ZCCHC7: variants seen among roughly 807,000 people sequenced by gnomAD.
ZCCHC7 encodes zinc finger CCHC domain-containing protein 7.
A neutral mutation model predicts 52.0 loss-of-function variants in ZCCHC7; 35 were observed. That is an observed-to-expected ratio of 0.67 (90% CI 0.51 to 0.89). ZCCHC7 has a LOEUF of 0.89. Among genes scored for constraint, ZCCHC7 ranks in the 40% least tolerant of loss-of-function variants. The pLI is 0.00. For synonymous variants in ZCCHC7, 217 were observed against 221.5 expected, an observed-to-expected ratio of 0.98 and a Z score of 0.18; for missense variants, 574 against 649.1, an observed-to-expected ratio of 0.88 and a Z score of 1.26.
At chr9:37,260,669 A>G (rs529893008) in intron 2 of ZCCHC7, among the ~76,000 whole-genome samples, 1 of 152,302 alleles carries the variant, frequency 6.6e-6, no homozygotes, top group African/African-American at 2.4e-5. Context: ...TTTGACCTTA[A>G]TGGGACCTAT....
intron 6 of ZCCHC7, among the ~76,000 whole-genome samples, chr9:37,333,514 G>A (rs1830529105): frequency 1.3e-5 from 2 of 151,572 alleles, no homozygotes; most frequent in Non-Finnish European, 3.0e-5. Flanking sequence ...CCTTAAAGTT[G>A]TACTTCTGTT....
chr9:37,162,580 A>G (rs1396994282), intron 2 of ZCCHC7, among the ~76,000 whole-genome samples: 1 of 152,190 alleles, frequency 6.6e-6, no homozygotes, highest in Non-Finnish European at 1.5e-5. Context: ...ACTTTTTATT[A>G]TATATTGATT....
At chr9:37,169,519 A>G (rs1441883460) in intron 2 of ZCCHC7, among the ~76,000 whole-genome samples, 2 of 152,132 alleles carry the variant, frequency 1.3e-5, no homozygotes, top group South Asian at 2.1e-4. Context: ...GAATTTCACT[A>G]TGGATACTTT....
intron 5 of ZCCHC7, among the ~76,000 whole-genome samples, chr9:37,323,780 T>C (rs939120289): frequency 3.9e-5 from 6 of 152,220 alleles, no homozygotes; most frequent in Admixed American, 1.3e-4. Context: ...GGAGAAATTA[T>C]ATTTCACGTA....
intron 2 of ZCCHC7, among the ~76,000 whole-genome samples, chr9:37,268,960 G>A (rs912537902): frequency 2.6e-5 from 4 of 152,202 alleles, no homozygotes; most frequent in African/African-American, 7.2e-5. Flanking sequence ...ATATTCTAAC[G>A]TAGTATGGAG....
intron 5 of ZCCHC7, among the ~76,000 whole-genome samples, chr9:37,325,464 T>C (rs1564255689): frequency 6.6e-6 from 1 of 152,234 alleles, no homozygotes; most frequent in African/African-American, 2.4e-5. Context: ...GAAATTACTT[T>C]ATTTTATGCA....
chr9:37,219,173 A>G (rs1271838252), intron 2 of ZCCHC7, among the ~76,000 whole-genome samples: 1 of 152,230 alleles, frequency 6.6e-6, no homozygotes, highest in Non-Finnish European at 1.5e-5. Context: ...CACTTCCAGA[A>G]TGGGCCAGGA....
intron 2 of ZCCHC7, among the ~76,000 whole-genome samples, chr9:37,278,149 T>C (rs1324784843): frequency 6.6e-6 from 1 of 151,926 alleles, no homozygotes; most frequent in Non-Finnish European, 1.5e-5. Flanking sequence ...AGCCTCGAGC[T>C]CCTAGACTCT....
intron 2 of ZCCHC7, among the ~76,000 whole-genome samples, chr9:37,162,598 T>A (rs1821167586): frequency 6.6e-6 from 1 of 152,238 alleles, no homozygotes; most frequent in Non-Finnish European, 1.5e-5. Context: ...ATTGTGGTTA[T>A]CCCACAGTTT....
chr9:37,142,882 A>G (rs1033349049), intron 2 of ZCCHC7, among the ~76,000 whole-genome samples: 1 of 151,868 alleles, frequency 6.6e-6, no homozygotes, highest in Non-Finnish European at 1.5e-5. Context: ...CAACAGAAGT[A>G]TACAGCTTTA....
chr9:37,150,177 TAGAG>T (rs2132826170), intron 2 of ZCCHC7, among the ~76,000 whole-genome samples: 2 of 152,254 alleles, frequency 1.3e-5, no homozygotes, highest in East Asian at 3.9e-4. Context: ...AGAAGGGAGT[TAGAG>T]AGGAAAGGAA....
intron 5 of ZCCHC7, among the ~76,000 whole-genome samples, chr9:37,310,959 TA>T (rs59663698): frequency 0.061 from 7,067 of 115,064 alleles, 536 homozygotes; most frequent in African/African-American, 0.2. Context: ...TCTCTCTTTT[TA>T]AAAAAAAAAA....
chr9:37,127,007 GA>G, intron 2 of ZCCHC7, 65 bp downstream of exon 2: 2 of 1,559,396 alleles, frequency 1.3e-6, no homozygotes, highest in East Asian at 4.5e-5. Context: ...GCTTTTCCTA[GA>G]GAAAAGACCA....
At chr9:37,249,201 T>C (rs2133385580) in intron 2 of ZCCHC7, among the ~76,000 whole-genome samples, 1 of 152,256 alleles carries the variant, frequency 6.6e-6, no homozygotes, top group East Asian at 1.9e-4. Flanking sequence ...AATATCTTGG[T>C]AGTGGGAATT....
chr9:37,220,775 G>C (rs1250717844), intron 2 of ZCCHC7, among the ~76,000 whole-genome samples: 1 of 152,098 alleles, frequency 6.6e-6, no homozygotes, highest in South Asian at 2.1e-4. Context: ...GTGAGCAAAG[G>C]TATGGAGATA....
At chr9:37,313,632 T>C (rs1829690121) in intron 5 of ZCCHC7, among the ~76,000 whole-genome samples, 1 of 152,188 alleles carries the variant, frequency 6.6e-6, no homozygotes, top group South Asian at 2.1e-4. Flanking sequence ...TAGGAGGTGA[T>C]TGGATCATGG....
rs1373099026 is a variant in ZCCHC7, at chr9:37,206,369, C to T, written c.610+79427C>T. Among the ~76,000 whole-genome samples the T allele has an allele frequency of 2.0e-5, 3 of 151,204 alleles. No homozygotes were observed. In the East Asian group the frequency reaches 5.9e-4, roughly 30 times the overall value. ...TTCCCTCCCGCCTTCACCTTTCCCG[C>T]TTCGTTTTGGCAGGGTCTCCCTCTG... is the stretch of plus-strand genomic sequence containing the variant. On this transcript the variant is annotated intron_variant, in intron 2 of 8. Transcript: ENST00000336755.
intron 2 of ZCCHC7, among the ~76,000 whole-genome samples, chr9:37,236,214 T>A (rs1176210740): frequency 6.6e-6 from 1 of 152,194 alleles, no homozygotes; most frequent in Non-Finnish European, 1.5e-5. Flanking sequence ...CCAGCATTTG[T>A]TTTTTGTCAT....
At chr9:37,262,725 A>G (rs952647138) in intron 2 of ZCCHC7, among the ~76,000 whole-genome samples, 2 of 152,216 alleles carry the variant, frequency 1.3e-5, no homozygotes, top group African/African-American at 4.8e-5. Flanking sequence ...ACTGTAGTAT[A>G]AAGCTCTGCT....
Sources: allele counts gnomAD v4.1 joint callset (sites outside exome capture counted in the v4.1 genomes callset), GRCh38; gene constraint gnomAD v4.1.1; transcripts MANE v1.5; gene names NCBI Gene and HGNC (gene_info 2026-07-23, HGNC 2026-07-21).